RERE: variants seen among roughly 807,000 people sequenced by gnomAD.
RERE encodes arginine-glutamic acid dipeptide repeats protein.
RERE carries 40 observed loss-of-function variants against 146.1 expected under a neutral mutation model. The observed-to-expected ratio is 0.27, with a 90% CI of 0.21 to 0.36. The LOEUF is 0.36. RERE is among the 10% of genes least tolerant of loss of function. The pLI is 1.00. For synonymous variants in RERE, 1,003 were observed against 866.0 expected, an observed-to-expected ratio of 1.16 and a Z score of -2.78; for missense variants, 1,933 against 2,138.7, an observed-to-expected ratio of 0.90 and a Z score of 1.90.
chr1:8,520,765 A>ACAAAAC (rs1239304042), intron 7 of RERE, among the ~76,000 whole-genome samples: 1 of 150,298 alleles, frequency 6.7e-6, no homozygotes, highest in Non-Finnish European at 1.5e-5. Flanking sequence ...AAAAAAAAAA[A>ACAAAAC]AAAAAAAAAA....
chr1:8,514,895 C>T (rs2124321840), intron 7 of RERE, among the ~76,000 whole-genome samples: 1 of 152,304 alleles, frequency 6.6e-6, no homozygotes, highest in Non-Finnish European at 1.5e-5. Flanking sequence ...CTAGAAGACT[C>T]CAGCTTTCTT....
intron 1 of RERE, among the ~76,000 whole-genome samples, chr1:8,788,245 T>C (rs1341417605): frequency 6.6e-6 from 1 of 152,010 alleles, no homozygotes; most frequent in East Asian, 1.9e-4. Flanking sequence ...GAAAAAAACA[T>C]AATACAACCA....
At chr1:8,390,952 C>CA (rs750320189) in intron 12 of RERE, among the ~76,000 whole-genome samples, 14 of 151,768 alleles carry the variant, frequency 9.2e-5, no homozygotes, top group Admixed American at 2.6e-4. Flanking sequence ...CAAAACAAAA[C>CA]AAAAAAAACT....
At chr1:8,810,496 C>T (rs1234071071) in intron 1 of RERE, among the ~76,000 whole-genome samples, 1 of 152,128 alleles carries the variant, frequency 6.6e-6, no homozygotes, top group Non-Finnish European at 1.5e-5. Flanking sequence ...GTCCCAGCTA[C>T]TCAGGTGGCT....
chr1:8,393,097 C>T (rs1471713065), intron 12 of RERE, among the ~76,000 whole-genome samples: 1 of 152,174 alleles, frequency 6.6e-6, no homozygotes, highest in East Asian at 1.9e-4. Flanking sequence ...TCAGATTGGA[C>T]TTCTGCAGGG....
At chr1:8,709,965 C>T (rs1255613008) in intron 1 of RERE, among the ~76,000 whole-genome samples, 1 of 152,166 alleles carries the variant, frequency 6.6e-6, no homozygotes, top group East Asian at 1.9e-4. Context: ...TTGGATTAGG[C>T]ACTCTCTTGG....
At chr1:8,743,331 T>A (rs553769603) in intron 1 of RERE, among the ~76,000 whole-genome samples, 1 of 152,080 alleles carries the variant, frequency 6.6e-6, no homozygotes, top group African/African-American at 2.4e-5. Flanking sequence ...CAGGCTGGAA[T>A]GCAGTAGTAG....
At chr1:8,805,148 A>T (rs1383131148) in intron 1 of RERE, among the ~76,000 whole-genome samples, 3 of 151,086 alleles carry the variant, frequency 2.0e-5, no homozygotes, top group African/African-American at 7.3e-5. Context: ...AGGATTACAG[A>T]TGCCCGCCAC....
In RERE at chr1:8,656,379, G is replaced by A; in HGVS notation, c.-82C>T. ...CAGTAAGCCTGGGCTTCAGTCTTCT[G>A]AATTTCTCACTCAATTCCAGGGAAA... On this transcript the variant is annotated 5_prime_UTR_variant, in exon 2 of 23. Transcript: ENST00000400908. The A allele has an allele frequency of 2.0e-6, 3 of 1,497,716 alleles. No homozygotes were observed. Among genetic ancestry groups the A allele is most frequent in the South Asian group, 1.4e-5 (1 of 71,712 alleles). The allele number at this position is 1,497,716 out of a possible 1,614,324, so 92.8% of individuals were successfully genotyped here. A position where few individuals can be genotyped will look rare whatever the true frequency, so the allele number is the denominator to read the frequency against.
intron 1 of RERE, among the ~76,000 whole-genome samples, chr1:8,709,079 A>G (rs1418555397): frequency 6.6e-6 from 1 of 151,046 alleles, no homozygotes; most frequent in African/African-American, 2.4e-5. Context: ...CACCCAGCTA[A>G]TTTATTTTTT....
In RERE at chr1:8,368,940, C is replaced by T. The variant is rs893582942; in HGVS notation, c.1285-2966G>A. ...ATTATCTGGGCATGGTGGTGTGCACCGGCAGTCCCAGCTACTTGGGAGATC... is the reference window on the plus strand; with the variant it reads ...ATTATCTGGGCATGGTGGTGTGCACTGGCAGTCCCAGCTACTTGGGAGATC... On this transcript the variant is annotated intron_variant, in intron 12 of 22. Transcript: ENST00000400908. Among the ~76,000 whole-genome samples, 5 of 151,944 alleles carry T rather than the reference C, an allele frequency of 3.3e-5. No individual in the cohort carries two copies. In the East Asian group the frequency reaches 7.7e-4, roughly 23 times the overall value.
At chr1:8,410,212 C>T (rs921480004) in intron 12 of RERE, among the ~76,000 whole-genome samples, 2 of 151,926 alleles carry the variant, frequency 1.3e-5, no homozygotes, top group Admixed American at 6.6e-5. Context: ...GGAGGGGGGC[C>T]GCCCTGGCTG....
rs368759826 is a variant in RERE at position 8,465,908 on chromosome 1, T to C, written c.1203+17A>G. The C allele has an allele frequency of 4.3e-6, 7 of 1,611,792 alleles. No homozygotes were observed. In the African/African-American group the frequency reaches 8.0e-5, roughly 18 times the overall value. On this transcript the variant is annotated intron_variant, in intron 11 of 22. Coordinates refer to ENST00000400908, the MANE Select transcript of RERE (RefSeq NM_001042681.2). ...CCGATGCCCCAGAGCACAAGGCAAA[T>C]GCTGGTTCCTGCTCACCACTTCGTC...
Position 8,358,408 on chromosome 1 carries a change from C to G in RERE, c.4127G>C (p.Arg1376Thr). ...SFHPGLNPLE[R>T]ERLALAGPQL... Reference sequence around the variant, plus strand: ...GGGGCCCGCCAGGGCCAGTCTCTCCCTCTCCAAGGGGTTCAGGCCCGGGTG... The same window carrying G: ...GGGGCCCGCCAGGGCCAGTCTCTCCGTCTCCAAGGGGTTCAGGCCCGGGTG... The change falls in exon 20 of 23, where the codon AGG becomes ACG. Residue 1376 changes from arginine (R) to threonine (T), a missense_variant. Physicochemically the swap from Arg to Thr is moderately conservative, Grantham distance 71. Transcript: ENST00000400908. 1 of 1,604,798 alleles carries G rather than the reference C, an allele frequency of 6.2e-7. No individual in the cohort carries two copies. Among genetic ancestry groups the G allele is most frequent in the Non-Finnish European group, 8.5e-7 (1 of 1,174,094 alleles).
At chr1:8,509,399 GCCATCCATCCATCCATCCAT>G (rs755830199) in intron 7 of RERE, among the ~76,000 whole-genome samples, 4 of 137,218 alleles carry the variant, frequency 2.9e-5, no homozygotes, top group Admixed American at 2.3e-4. Context: ...CATATACTGA[GCCATCCATCCATCCATCCAT>G]CCATCCATCC....
chr1:8,627,214 T>G (rs924215993), intron 2 of RERE, among the ~76,000 whole-genome samples: 2 of 152,196 alleles, frequency 1.3e-5, no homozygotes, highest in African/African-American at 4.8e-5. Flanking sequence ...TGTCAAGTTA[T>G]TTGGCAGTAA....
At chr1:8,668,967 GTTTTTAAGACAGGGTCTCACTCTGTCTTC>G (rs1638645031) in intron 1 of RERE, among the ~76,000 whole-genome samples, 2 of 25,332 alleles carry the variant, frequency 7.9e-5, no homozygotes, top group Admixed American at 3.8e-4. Flanking sequence ...TGTGTGTTGT[GTTTTTAAGACAGGGTCTCACTCTGTCTTC>G]TGTGAATATT....
intron 7 of RERE, among the ~76,000 whole-genome samples, chr1:8,521,120 G>A (rs1199475369): frequency 7.7e-6 from 1 of 130,696 alleles, no homozygotes; most frequent in Non-Finnish European, 1.6e-5. Context: ...GGCAGGAAAT[G>A]TTTAATGCTG....
intron 7 of RERE, among the ~76,000 whole-genome samples, chr1:8,514,547 T>G (rs897104221): frequency 6.6e-6 from 1 of 152,062 alleles, no homozygotes; most frequent in African/African-American, 2.4e-5. Flanking sequence ...CTAGTCAACA[T>G]GGTGAAACCC....
Sources: gnomAD v4.1 joint callset for allele counts (sites outside exome capture counted in the v4.1 genomes callset) on GRCh38, gnomAD v4.1.1 for gene constraint, MANE v1.5 for transcripts, NCBI Gene and HGNC (gene_info 2026-07-23, HGNC 2026-07-21) for gene names.